Variants in ADIG observed in about 807,000 individuals in gnomAD.
ADIG encodes adipogenin.
ADIG carries 12 observed loss-of-function variants against 10.7 expected under a neutral mutation model. The ratio of observed to expected loss-of-function variants is 1.12; its 90% CI spans 0.72 to 1.82. The LOEUF is 1.82. Among genes scored for constraint, ADIG ranks in the 40% most tolerant of loss-of-function variants. The pLI, the probability that ADIG is intolerant of heterozygous loss-of-function variation, is 0.00. For missense variants in ADIG, 72 were observed against 92.5 expected, an observed-to-expected ratio of 0.78 and a Z score of 0.91; for synonymous variants, 32 against 35.6, an observed-to-expected ratio of 0.90 and a Z score of 0.36.
At chr20:38,584,480 G>A (rs2088617429) in intron 1 of ADIG, among the ~76,000 whole-genome samples, 1 of 152,218 alleles carries the variant, frequency 6.6e-6, no homozygotes, top group African/African-American at 2.4e-5. Flanking sequence ...CCCTCATGGT[G>A]GGTCTTGGAG....
At chr20:38,581,912 T>A (rs1476517209) in intron 1 of ADIG, among the ~76,000 whole-genome samples, 1 of 152,216 alleles carries the variant, frequency 6.6e-6, no homozygotes, top group Non-Finnish European at 1.5e-5. Flanking sequence ...TCAGAAAGGA[T>A]CTGGCTGCTT....
At chr20:38,585,570 G>A (rs2088629060) in intron 1 of ADIG, 1 of 1,526,698 alleles carries the variant, frequency 6.6e-7, no homozygotes, top group Admixed American at 2.0e-5. Context: ...CTCGTGATCT[G>A]TGGACGTGGA....
At chr20:38,584,997 C>T (rs1405442952) in intron 1 of ADIG, among the ~76,000 whole-genome samples, 2 of 152,190 alleles carry the variant, frequency 1.3e-5, no homozygotes, top group African/African-American at 4.8e-5. Context: ...AGGATGGTCT[C>T]GATCTCTTGA....
chr20:38,584,445 T>C (rs150041497), intron 1 of ADIG, among the ~76,000 whole-genome samples: 5 of 152,334 alleles, frequency 3.3e-5, no homozygotes, highest in African/African-American at 1.2e-4. Flanking sequence ...GGTTTGGGGC[T>C]GAAACAGAAG....
At chr20:38,582,084 GC>G (rs2145577218) in intron 1 of ADIG, among the ~76,000 whole-genome samples, 1 of 152,230 alleles carries the variant, frequency 6.6e-6, no homozygotes, top group African/African-American at 2.4e-5. Flanking sequence ...TGCTCCTCTG[GC>G]ATGTGTCTCC....
chr20:38,585,639 C>T, intron 1 of ADIG: 1 of 1,060,190 alleles, frequency 9.4e-7, no homozygotes, highest in Non-Finnish European at 1.4e-6. Context: ...AACAGGGCTA[C>T]AGTGGAGATC....
intron 2 of ADIG, among the ~76,000 whole-genome samples, chr20:38,586,700 T>C (rs1229335394): frequency 6.6e-6 from 1 of 152,130 alleles, no homozygotes; most frequent in African/African-American, 2.4e-5. Context: ...TCAATACATG[T>C]TTGTGGAAGG....
Position 38,581,288 on chromosome 20 carries a change from C to A in ADIG, c.38C>A (p.Thr13Lys), listed in dbSNP as rs1351152930. 3.8e-5 allele frequency: 61 copies of A among 1,613,920 alleles called. No homozygotes were observed. Among genetic ancestry groups the A allele is most frequent in the Non-Finnish European group, 5.2e-5 (61 of 1,179,882 alleles). The change falls in exon 1 of 3, where the codon ACA becomes AAA. Residue 13 changes from threonine to lysine, a missense_variant. By Grantham distance (78) the Thr-to-Lys change is moderately conservative. Coordinates refer to ENST00000537425, the MANE Select transcript of ADIG (RefSeq NM_001393816.1). ...TTGATGCCGCTGGTGAACGACCTCA[C>A]ATTTTCTTTCCTGGTTTTCTGGTTC... ...YPLMPLVNDL[T>K]FSFLVFWFCL...
chr20:38,582,668 A>G (rs936415495), intron 1 of ADIG, among the ~76,000 whole-genome samples: 1 of 152,138 alleles, frequency 6.6e-6, no homozygotes, highest in Non-Finnish European at 1.5e-5. Context: ...TTCTCCTCAT[A>G]GTCCTAGGGT....
chr20:38,581,453 ACAACTG>A, intron 1 of ADIG, 79 bp downstream of exon 1: 2 of 1,583,978 alleles, frequency 1.3e-6, no homozygotes, highest in East Asian at 4.5e-5. Flanking sequence ...GTGTCCTGAA[ACAACTG>A]CAGAAGGGGC....
In ADIG at chr20:38,581,352, G is replaced by A; in HGVS notation, c.102G>A (p.Trp34Ter). The stretch of plus-strand genomic sequence containing the variant: ...GTTTGCTGTTGTTATTGATCATCTG[G>A]CTACGCTTCTTACTTAGCCAAGGTG... The part of the protein sequence containing the change: ...PVGLLLLLII[W>*]LRFLLSQDSE... The change falls in exon 1 of 3, where the codon TGG (tryptophan) becomes TGA (stop). Residue 34 changes from tryptophan (W) to a stop codon, truncating the protein, a stop_gained. Transcript: ENST00000537425. LOFTEE classifies it high-confidence loss of function. 1 of 1,613,986 alleles carries A rather than the reference G, an allele frequency of 6.2e-7. No homozygotes were observed. Among genetic ancestry groups the A allele is most frequent in the Non-Finnish European group, 8.5e-7 (1 of 1,179,878 alleles).
chr20:38,587,211 CCT>C (rs756804779), intron 2 of ADIG, among the ~76,000 whole-genome samples: 4 of 151,800 alleles, frequency 2.6e-5, no homozygotes, highest in Non-Finnish European at 4.4e-5. Flanking sequence ...CAGCCTCTCG[CCT>C]CTCTCTCCCA....
At chr20:38,582,048 T>C (rs879218774) in intron 1 of ADIG, among the ~76,000 whole-genome samples, 2 of 152,076 alleles carry the variant, frequency 1.3e-5, no homozygotes, top group Non-Finnish European at 2.9e-5. Flanking sequence ...GGATATGGCC[T>C]GGCTGTGTGG....
intron 2 of ADIG, among the ~76,000 whole-genome samples, chr20:38,587,009 T>C (rs2088643432): frequency 6.6e-6 from 1 of 152,050 alleles, no homozygotes; most frequent in South Asian, 2.1e-4. Context: ...AATGTGTGTG[T>C]CTCATCTAAT....
At chr20:38,584,031 C>T (rs1000540364) in intron 1 of ADIG, among the ~76,000 whole-genome samples, 2 of 152,100 alleles carry the variant, frequency 1.3e-5, no homozygotes, top group Non-Finnish European at 2.9e-5. Context: ...ATCAGTTTGC[C>T]TGAAATCCAG....
rs1375537647 is a variant in ADIG at position 38,588,127 on chromosome 20, A to T, written c.*41A>T. 27 of 1,304,714 alleles carry T rather than the reference A, an allele frequency of 2.1e-5. No individual in the cohort carries two copies. The highest frequency in any genetic ancestry group is 2.7e-5 in the Non-Finnish European group (27 of 988,724). 80.8% of individuals were successfully genotyped at this position (1,304,714 alleles called of 1,614,324 possible). The stretch of plus-strand genomic sequence containing the variant: ...TTGGTTTTCCTGGAGTCAGCAGGGC[A>T]GTGGCAATGGCAGAAGTGGATGGGA... On this transcript the variant is annotated 3_prime_UTR_variant, in exon 3 of 3. Transcript: ENST00000537425.
At chr20:38,587,735 T>C (rs1230115102) in intron 2 of ADIG, among the ~76,000 whole-genome samples, 2 of 123,822 alleles carry the variant, frequency 1.6e-5, no homozygotes, top group Non-Finnish European at 3.4e-5. Flanking sequence ...TTCTTTCTTT[T>C]TTCCCTTTTT....
intron 1 of ADIG, among the ~76,000 whole-genome samples, chr20:38,583,995 A>C (rs368219193): frequency 3.1e-4 from 47 of 152,198 alleles, no homozygotes; most frequent in African/African-American, 1.1e-3. Flanking sequence ...GCAGTTTTCT[A>C]TTCTGCTGCA....
chr20:38,587,839 G>A (rs1166852726), intron 2 of ADIG, among the ~76,000 whole-genome samples: 1 of 150,872 alleles, frequency 6.6e-6, no homozygotes, highest in African/African-American at 2.4e-5. Flanking sequence ...CCCAGTTCAA[G>A]CAATTCTCCT....
Sources: gnomAD v4.1 joint callset for allele counts (sites outside exome capture counted in the v4.1 genomes callset) on GRCh38, gnomAD v4.1.1 for gene constraint, MANE v1.5 for transcripts, NCBI Gene and HGNC (gene_info 2026-07-23, HGNC 2026-07-21) for gene names.